NLRP5: variants seen among roughly 807,000 people sequenced by gnomAD.
NLRP5 encodes NLR family pyrin domain containing 5.
A neutral mutation model predicts 113.1 loss-of-function variants in NLRP5; 93 were observed. The observed-to-expected ratio is 0.82, with a 90% CI of 0.70 to 0.98. The LOEUF is 0.98. Ranked by LOEUF, NLRP5 falls within the 50% of genes least tolerant of loss-of-function variation. NLRP5 has a pLI of 0.00. For missense variants in NLRP5, 1,808 were observed against 1,514.3 expected (o/e 1.19, Z -3.22); for synonymous variants, 751 against 600.7 (o/e 1.25, Z -3.66).
intron 9 of NLRP5, among the ~76,000 whole-genome samples, chr19:56,036,291 TCTC>T (rs1267105479): frequency 6.6e-5 from 10 of 151,730 alleles, no homozygotes; most frequent in African/African-American, 2.4e-4. Flanking sequence ...ATGGTCTCGA[TCTC>T]CTGACCTCGT....
At chr19:56,000,916 G>T (rs1981620680) in intron 1 of NLRP5, among the ~76,000 whole-genome samples, 1 of 151,876 alleles carries the variant, frequency 6.6e-6, no homozygotes, top group African/African-American at 2.4e-5. Flanking sequence ...TGAGGCAGGA[G>T]AATCGATTGA....
At chr19:56,036,058 C>CAT (rs1555768605) in intron 9 of NLRP5, among the ~76,000 whole-genome samples, 6 of 77,018 alleles carry the variant, frequency 7.8e-5, no homozygotes, top group African/African-American at 3.4e-4. Flanking sequence ...AATTGAGATT[C>CAT]TTTTTTTTTT....
At position 56,027,358 on chromosome 19, in the gene NLRP5, A is replaced by C. The variant is rs763745406; in HGVS notation, c.1125A>C (p.Thr375=). 2.5e-6 allele frequency: 4 copies of C among 1,613,380 alleles called. No individual in the cohort carries two copies. The Middle Eastern group carries it at 4.9e-4, about 200-fold the overall frequency. ...TGGGCTCTGTCCTCAACAATGACAC[A>C]AAGCTCTGCAAAGACTGGGCTGAGA... The change falls in exon 7 of 15, where the codon ACA becomes ACC. Residue 375 remains threonine, a synonymous_variant. Coordinates refer to ENST00000390649, the MANE Select transcript of NLRP5 (RefSeq NM_153447.4).
intron 3 of NLRP5, among the ~76,000 whole-genome samples, chr19:56,011,158 A>AAAAAATATATAT (rs372922763): frequency 1.8e-3 from 259 of 145,210 alleles, no homozygotes; most frequent in African/African-American, 6.0e-3. Flanking sequence ...GTCTTTAAAA[A>AAAAAATATATAT]ATATATATAC....
In NLRP5 at chr19:56,019,151, C is replaced by T. The variant is rs1242437043; in HGVS notation, c.566-191C>T. ...TCTTCAAGGAGAAATGAGCCTGGGA[C>T]CCTCACCCTCAAGCTTTGAATTAGT... On this transcript the variant is annotated intron_variant, in intron 4 of 14. Transcript: ENST00000390649. 4.7e-6 allele frequency: 3 copies of T among 640,500 alleles called. No individual in the cohort carries two copies. The East Asian group carries it at 8.3e-5, about 18-fold the overall frequency. The allele number at this position is 640,500 out of a possible 1,614,324, so 39.7% of individuals were successfully genotyped here.
chr19:56,032,650 T>C lies in NLRP5; in HGVS notation c.2316T>C (p.Asp772=). The change falls in exon 8 of 15, where the codon GAT becomes GAC. Residue 772 remains aspartate (D), a synonymous_variant. Transcript: ENST00000390649. ...CCCTCATTGAGGAGCAGTGGGAAGA[T>C]TTCTGCTCCATGCTTGGCACCCACC... 6.2e-7 allele frequency: 1 copy of C among 1,613,726 alleles called. No individual in the cohort carries two copies. The highest frequency in any genetic ancestry group is 8.5e-7 in the Non-Finnish European group (1 of 1,179,800).
Position 56,027,984 on chromosome 19 carries a change from A to C in NLRP5, c.1751A>C (p.His584Pro), listed in dbSNP as rs34395092. The C allele has an allele frequency of 1.4e-5, 23 of 1,613,646 alleles. No individual in the cohort carries two copies. In the African/African-American group the frequency reaches 1.7e-4, roughly 12 times the overall value. The change falls in exon 7 of 15, where the codon CAC (histidine) becomes CCC (proline). Residue 584 changes from histidine (H) to proline (P), a missense_variant. Coordinates refer to ENST00000390649, the MANE Select transcript of NLRP5 (RefSeq NM_153447.4). ...TGTGAGGAGTACTACACCTTCTTCC[A>C]CCTCAGTCTCCAGGACTTCTGTGCC... is the stretch of plus-strand genomic sequence containing the variant.
intron 2 of NLRP5, among the ~76,000 whole-genome samples, chr19:56,007,904 C>CGCGTGTGCGCGTGCGTGTGT (rs377205469): frequency 9.1e-6 from 1 of 110,072 alleles, no homozygotes; most frequent in Non-Finnish European, 2.0e-5. Flanking sequence ...TGCGCGCGTG[C>CGCGTGTGCGCGTGCGTGTGT]GTGTGTGTGT....
chr19:56,050,367 A>G lies in NLRP5; in HGVS notation c.2958-51A>G, dbSNP rs975510332. On this transcript the variant is annotated intron_variant, in intron 11 of 14. Coordinates refer to ENST00000390649, the MANE Select transcript of NLRP5 (RefSeq NM_153447.4). ...GGAGAGCAGCAGCTCACTTGAGGCC[A>G]TGCTGGGGAATGAGCATCACGATCT... 10 of 1,568,832 alleles carry G rather than the reference A, an allele frequency of 6.4e-6. No individual in the cohort carries two copies. The Admixed American group carries it at 6.9e-5, about 11-fold the overall frequency.
intron 6 of NLRP5, among the ~76,000 whole-genome samples, chr19:56,025,452 C>T (rs1982805521): frequency 6.6e-6 from 1 of 150,606 alleles, no homozygotes; most frequent in African/African-American, 2.4e-5. Context: ...GTCGCCCAGT[C>T]TGGAGTGCAG....
chr19:56,038,420 G>A (rs940747938), intron 10 of NLRP5, among the ~76,000 whole-genome samples: 1 of 152,180 alleles, frequency 6.6e-6, no homozygotes, highest in Non-Finnish European at 1.5e-5. Context: ...GGTGGACGCG[G>A]GAATCAGCCA....
the NLRP5 span, among the ~76,000 whole-genome samples, chr19:55,989,459 G>C: frequency 6.6e-6 from 1 of 152,118 alleles, no homozygotes; most frequent in African/African-American, 2.4e-5. Context: ...CCCCATGTTG[G>C]CCGGGCTGGT....
intron 3 of NLRP5, among the ~76,000 whole-genome samples, chr19:56,012,576 CAA>C (rs11312971): frequency 0.72 from 105,420 of 146,884 alleles, 38,136 homozygotes; most frequent in East Asian, 0.83. Context: ...TTCCATAACC[CAA>C]AAAAAAAAAA....
At chr19:56,046,410 G>GTGTGTGTGTGTGTGTGTGTGTGTT (rs1335038061) in intron 11 of NLRP5, among the ~76,000 whole-genome samples, 2 of 150,216 alleles carry the variant, frequency 1.3e-5, no homozygotes, top group Non-Finnish European at 3.0e-5. Context: ...GTGTGTGTGT[G>GTGTGTGTGTGTGTGTGTGTGTGTT]TGTGTGTGTG....
At chr19:56,051,677 G>A (rs1468141863) in intron 12 of NLRP5, among the ~76,000 whole-genome samples, 2 of 152,190 alleles carry the variant, frequency 1.3e-5, no homozygotes, top group African/African-American at 4.8e-5. Flanking sequence ...ATGAAGTACA[G>A]TAAGGTATTC....
chr19:56,011,891 C>A (rs145369265), intron 3 of NLRP5, among the ~76,000 whole-genome samples: 1 of 151,782 alleles, frequency 6.6e-6, no homozygotes, highest in Non-Finnish European at 1.5e-5. Flanking sequence ...GGAGTTTCAC[C>A]GTATTGGTCA....
chr19:56,057,115 G>A (rs949954994), intron 13 of NLRP5, among the ~76,000 whole-genome samples: 4 of 152,260 alleles, frequency 2.6e-5, no homozygotes, highest in Admixed American at 6.5e-5. Context: ...CAGCCTCAGC[G>A]ATAGAGCAAG....
At chr19:56,020,280 A>G in intron 5 of NLRP5, 95 bp from the exon 6 acceptor site, 2 of 1,474,548 alleles carry the variant, frequency 1.4e-6, no homozygotes, top group South Asian at 1.2e-5. Context: ...ACTGGCCAGA[A>G]AATAAATATG....
chr19:56,040,414 A>C (rs1288694389), intron 10 of NLRP5, among the ~76,000 whole-genome samples: 1 of 152,212 alleles, frequency 6.6e-6, no homozygotes, highest in East Asian at 1.9e-4. Context: ...CCATAAATAC[A>C]AAAATTAGTC....
Sources: allele counts gnomAD v4.1 joint callset (sites outside exome capture counted in the v4.1 genomes callset), GRCh38; gene constraint gnomAD v4.1.1; transcripts MANE v1.5; gene names NCBI Gene and HGNC (gene_info 2026-07-23, HGNC 2026-07-21).